Variants in CDC23 observed in about 807,000 individuals in gnomAD.
CDC23 encodes cell division cycle 23.
In CDC23, 26 loss-of-function variants were observed where a neutral mutation model predicts 81.7. The ratio of observed to expected loss-of-function variants is 0.32; its 90% CI spans 0.23 to 0.44. The LOEUF is 0.44. CDC23 is among the 20% of genes least tolerant of loss of function. CDC23 has a pLI of 1.00. For missense variants in CDC23, 519 were observed against 728.0 expected, an observed-to-expected ratio of 0.71 and a Z score of 3.30; for synonymous variants, 267 against 270.8, an observed-to-expected ratio of 0.99 and a Z score of 0.14.
chr5:138,201,491 G>A, intron 4 of CDC23, 43 bp from the exon 5 acceptor site: 1 of 1,290,606 alleles, frequency 7.7e-7, no homozygotes, highest in Non-Finnish European at 1.1e-6. Flanking sequence ...TAGGATGCTG[G>A]TTTTCATTTT....
Position 138,198,454 on chromosome 5 carries a change from TC to T in CDC23, c.901del (p.Asp301ThrfsTer12). ...KQDPYRIENM[D>X]TFSNLLYVRS... ...GACATAAAGAAGGTTGGAGAATGTG[TC>T]CATATTTTCAATCCTGTAAGGGTCT... On this transcript the variant is annotated frameshift_variant, in exon 8 of 16. Coordinates refer to ENST00000394886, the MANE Select transcript of CDC23 (RefSeq NM_004661.4). LOFTEE classifies it high-confidence loss of function. 2 of 1,614,100 alleles carry T rather than the reference TC, an allele frequency of 1.2e-6. No individual in the cohort carries two copies. The highest frequency in any genetic ancestry group is 1.7e-6 in the Non-Finnish European group (2 of 1,179,990).
Position 138,189,739 on chromosome 5 carries a change from T to C in CDC23, c.1517A>G (p.His506Arg). 1 of 1,613,808 alleles carries C rather than the reference T, an allele frequency of 6.2e-7. No individual in the cohort carries two copies. Among genetic ancestry groups the C allele is most frequent in the Non-Finnish European group, 8.5e-7 (1 of 1,179,722 alleles). Residue 506 changes from histidine (H) to arginine (R), a missense_variant, in exon 15 of 16, where the codon CAC becomes CGC. Physicochemically the swap from His to Arg is conservative, Grantham distance 29. Transcript: ENST00000394886. ...GCGAAAGGCAGTGCTTTCCTCCAAG[T>C]GTTCTACTATTTCCTAGAAAGGGAA... ...DIYSCGEIVE[H>R]LEESTAFRYL...
At chr5:138,206,522 A>G in intron 3 of CDC23, 25 bp downstream of exon 3, 1 of 1,613,680 alleles carries the variant, frequency 6.2e-7, no homozygotes, top group African/African-American at 1.3e-5. Context: ...CTAAAGGCAG[A>G]ATGACATTTT....
chr5:138,190,116 G>C, intron 13 of CDC23: 1 of 570,266 alleles, frequency 1.8e-6, no homozygotes, highest in Non-Finnish European at 3.1e-6. Context: ...TGGAAGGAGA[G>C]TCAGTAAATA....
chr5:138,210,530 A>G (rs1284741499), intron 2 of CDC23, among the ~76,000 whole-genome samples: 1 of 152,210 alleles, frequency 6.6e-6, no homozygotes, highest in East Asian at 1.9e-4. Flanking sequence ...CATCTCAAAA[A>G]AATAAATAAA....
chr5:138,190,020 G>C (rs1211152802), intron 13 of CDC23, 114 bp from the exon 14 acceptor site: 2 of 770,232 alleles, frequency 2.6e-6, no homozygotes, highest in African/African-American at 3.5e-5. Context: ...TATCAATTTT[G>C]ACATAAATGA....
chr5:138,208,858 A>C (rs1196106788), intron 2 of CDC23, among the ~76,000 whole-genome samples: 1 of 152,044 alleles, frequency 6.6e-6, no homozygotes, highest in Non-Finnish European at 1.5e-5. Context: ...GCGCAATCTC[A>C]AATCACTCCA....
Position 138,197,348 on chromosome 5 carries a change from C to CA in CDC23, c.1012+850dup, listed in dbSNP as rs1754925698. Among the ~76,000 whole-genome samples the CA allele has an allele frequency of 3.5e-5, 5 of 143,624 alleles. No individual in the cohort carries two copies. The South Asian group carries it at 1.1e-3, about 32-fold the overall frequency. 94.2% of individuals were successfully genotyped at this position (143,624 alleles called of 152,430 possible). ...AGTACATCTATAAAATGCTAGTCAT[C>CA]AAAAATAATACAAGTTTAAATGTAC... is the stretch of plus-strand genomic sequence containing the variant. On this transcript the variant is annotated intron_variant, in intron 9 of 15. Coordinates refer to ENST00000394886, the MANE Select transcript of CDC23 (RefSeq NM_004661.4).
chr5:138,199,761 G>A lies in CDC23; in HGVS notation c.655-979C>T, dbSNP rs115487801. On this transcript the variant is annotated intron_variant, in intron 6 of 15. Transcript: ENST00000394886. The stretch of plus-strand genomic sequence containing the variant: ...AGAAATAATTTAGTAGGCAAGACAA[G>A]GAATTTGGTTTTGCTATTTTGAATC... 2.0e-3 allele frequency among the ~76,000 whole-genome samples: 307 copies of A among 152,308 alleles called. 2 individuals are homozygous for A. Among genetic ancestry groups the A allele is most frequent in the African/African-American group, 6.9e-3 (288 of 41,548 alleles).
chr5:138,212,394 C>T (rs1381951798), intron 2 of CDC23, among the ~76,000 whole-genome samples: 2 of 152,208 alleles, frequency 1.3e-5, no homozygotes, highest in African/African-American at 4.8e-5. Context: ...TCTCAGCTCA[C>T]TGCAACCTTC....
At chr5:138,205,931 C>T (rs1755043253) in intron 3 of CDC23, 1 of 152,036 alleles carries the variant, frequency 6.6e-6, no homozygotes. Context: ...ATACCAAAAT[C>T]TGAAAAAAAT....
At position 138,201,247 on chromosome 5, in the gene CDC23, A is replaced by C. The variant is rs1754986147; in HGVS notation, c.522-8T>G. 1 of 1,613,830 alleles carries C rather than the reference A, an allele frequency of 6.2e-7. No homozygotes were observed. Among genetic ancestry groups the C allele is most frequent in the Non-Finnish European group, 8.5e-7 (1 of 1,179,972 alleles). On this transcript the variant is annotated splice_region_variant and splice_polypyrimidine_tract_variant and intron_variant, in intron 5 of 15. Transcript: ENST00000394886. ...CGAAGCACCACACCATACCTGGGAA[A>C]AAAAAGAAACAATCACAGAAGTTAA... is the stretch of plus-strand genomic sequence containing the variant.
rs754955729 is a variant in CDC23, at chr5:138,189,688, C to T, written c.1568G>A (p.Cys523Tyr). 6.2e-7 allele frequency: 1 copy of T among 1,613,994 alleles called. No homozygotes were observed. The highest frequency in any genetic ancestry group is 1.1e-5 in the South Asian group (1 of 91,072). The part of the protein sequence containing the change: ...FRYLAQYYFK[C>Y]KLWDEASTCA... The stretch of plus-strand genomic sequence containing the variant: ...AGTTGAAGCTTCATCCCACAGTTTG[C>T]ACTTAAAATAGTACTGGGCCAGATA... Residue 523 changes from cysteine to tyrosine, a missense_variant, in exon 15 of 16, where the codon TGC (cysteine) becomes TAC (tyrosine). This residue lies in a region of CDC23 where 175 missense variants were observed against 337.8 expected (regional missense o/e 0.52). Coordinates refer to ENST00000394886, the MANE Select transcript of CDC23 (RefSeq NM_004661.4).
chr5:138,189,945 C>T (rs760901463), intron 13 of CDC23, 39 bp from the exon 14 acceptor site: 598 of 1,569,298 alleles, frequency 3.8e-4, no homozygotes, highest in Non-Finnish European at 4.9e-4. Context: ...AATGATATCC[C>T]AAAGCAACTT....
intron 3 of CDC23, 96 bp downstream of exon 3, chr5:138,206,451 C>T (rs1299852421): frequency 1.3e-5 from 16 of 1,185,938 alleles, no homozygotes; most frequent in Non-Finnish European, 2.0e-5. Context: ...CATTCAGTGG[C>T]CCACTGCTAA....
At chr5:138,211,729 G>A (rs1306148943) in intron 2 of CDC23, among the ~76,000 whole-genome samples, 1 of 152,010 alleles carries the variant, frequency 6.6e-6, no homozygotes, top group African/African-American at 2.4e-5. Flanking sequence ...TGGATGATGG[G>A]TTCAACTGAA....
At chr5:138,202,217 T>A in intron 3 of CDC23, 62 bp from the exon 4 acceptor site, 1 of 1,315,562 alleles carries the variant, frequency 7.6e-7, no homozygotes, top group Non-Finnish European at 1.1e-6. Flanking sequence ...ACTTTAAAAC[T>A]AGCATCCTGA....
intron 7 of CDC23, 37 bp from the exon 8 acceptor site, chr5:138,198,560 C>T (rs763215840): frequency 2.5e-6 from 4 of 1,611,658 alleles, no homozygotes; most frequent in South Asian, 1.1e-5. Context: ...CAGCACAATG[C>T]ACCTGTCAGG....
intron 2 of CDC23, among the ~76,000 whole-genome samples, chr5:138,211,351 C>T (rs1279262276): frequency 6.6e-6 from 1 of 152,106 alleles, no homozygotes; most frequent in African/African-American, 2.4e-5. Flanking sequence ...CAACAGACAC[C>T]AGGGACTCCA....
Sources: gnomAD v4.1 joint callset for allele counts (sites outside exome capture counted in the v4.1 genomes callset) on GRCh38, gnomAD v4.1.1 for gene constraint, gnomAD v4.1.1 regional missense constraint, MANE v1.5 for transcripts, NCBI Gene and HGNC (gene_info 2026-07-23, HGNC 2026-07-21) for gene names.